Variants in ZNF808 observed in about 807,000 individuals in gnomAD.
ZNF808 encodes zinc finger protein 808.
ZNF808 carries 5 observed loss-of-function variants against 8.7 expected under a neutral mutation model. That is an observed-to-expected ratio of 0.58 (90% CI 0.30 to 1.21). The LOEUF is 1.21. ZNF808 is among the 50% of genes most tolerant of loss of function. The probability of loss-of-function intolerance (pLI) is 0.07; values close to 1 mark genes in which losing one functional copy is unlikely to be tolerated. For synonymous variants in ZNF808, 380 were observed against 366.0 expected, an observed-to-expected ratio of 1.04 and a Z score of -0.44; for missense variants, 1,103 against 1,098.4, an observed-to-expected ratio of 1.00 and a Z score of -0.06.
At chr19:52,533,428 G>T (rs193166019) in intron 2 of ZNF808, among the ~76,000 whole-genome samples, 16 of 152,060 alleles carry the variant, frequency 1.1e-4, no homozygotes, top group African/African-American at 3.6e-4. Context: ...GTTTCACCAT[G>T]TTGGCCAGGC....
At chr19:52,561,853 A>G (rs1046824671) in intron 3 of ZNF808, among the ~76,000 whole-genome samples, 2 of 152,122 alleles carry the variant, frequency 1.3e-5, no homozygotes, top group African/African-American at 4.8e-5. Context: ...GGCTGCCTCC[A>G]GGGTTTTAAA....
At chr19:52,539,988 A>G (rs2059654940) in intron 2 of ZNF808, among the ~76,000 whole-genome samples, 1 of 151,840 alleles carries the variant, frequency 6.6e-6, no homozygotes, top group African/African-American at 2.4e-5. Context: ...GGGGCCACAG[A>G]CACACCCCAC....
rs1374661802 is a variant in ZNF808, at chr19:52,554,769, C to T, written c.1853C>T (p.Thr618Ile). ...CTTGAGTCACATAAGAGAATTCATA[C>T]TGGAGAGAAACCATACAGATGTCAG... is the stretch of plus-strand genomic sequence containing the variant. ...SALESHKRIH[T>I]GEKPYRCQVC... Residue 618 changes from threonine to isoleucine, a missense_variant, in exon 5 of 5, where the codon ACT becomes ATT. Coordinates refer to ENST00000359798, the MANE Select transcript of ZNF808 (RefSeq NM_001039886.4). 6.2e-7 allele frequency: 1 copy of T among 1,613,686 alleles called. No individual in the cohort carries two copies. Among genetic ancestry groups the T allele is most frequent in the Non-Finnish European group, 8.5e-7 (1 of 1,179,936 alleles).
At chr19:52,529,456 T>A (rs938061262) in intron 1 of ZNF808, among the ~76,000 whole-genome samples, 1 of 152,180 alleles carries the variant, frequency 6.6e-6, no homozygotes. Flanking sequence ...TTGTGACATG[T>A]TGACTTCCCT....
chr19:52,568,540 G>A (rs1231859662), downstream of ZNF808, among the ~76,000 whole-genome samples: 1 of 152,144 alleles, frequency 6.6e-6, no homozygotes, highest in Admixed American at 6.6e-5. Flanking sequence ...TCCTTGAAGT[G>A]TATCACTCCA....
At chr19:52,568,090 G>C (rs2059877078), downstream of ZNF808, among the ~76,000 whole-genome samples, 1 of 152,176 alleles carries the variant, frequency 6.6e-6, no homozygotes, top group African/African-American at 2.4e-5. Context: ...AAGTTTTCCT[G>C]GCCAGGCATG....
downstream of ZNF808, among the ~76,000 whole-genome samples, chr19:52,559,608 C>T (rs571338237): frequency 9.2e-5 from 14 of 152,166 alleles, no homozygotes; most frequent in Non-Finnish European, 1.3e-4. Flanking sequence ...CAAATCTCTC[C>T]GTTCCACCTG....
intron 4 of ZNF808, among the ~76,000 whole-genome samples, chr19:52,550,236 T>G (rs561503675): frequency 5.3e-5 from 8 of 151,992 alleles, no homozygotes; most frequent in Middle Eastern, 3.4e-3. Context: ...TTGGTTTTTT[T>G]TTTTTGTTTT....
At chr19:52,540,611 A>G (rs2059661295) in intron 2 of ZNF808, among the ~76,000 whole-genome samples, 1 of 152,114 alleles carries the variant, frequency 6.6e-6, no homozygotes, top group Non-Finnish European at 1.5e-5. Flanking sequence ...TGTCATCTGA[A>G]AAAATGGTAA....
chr19:52,544,533 G>T (rs1275338310), intron 3 of ZNF808, among the ~76,000 whole-genome samples: 2 of 152,020 alleles, frequency 1.3e-5, no homozygotes, highest in African/African-American at 4.8e-5. Flanking sequence ...GTTTCATCAT[G>T]TTCGTTATGC....
chr19:52,560,114 T>TCACA (rs1283344519), downstream of ZNF808, among the ~76,000 whole-genome samples: 3 of 152,080 alleles, frequency 2.0e-5, no homozygotes, highest in Non-Finnish European at 4.4e-5. Flanking sequence ...GGTGGGTGAA[T>TCACA]CACAAGGTCA....
intron 4 of ZNF808, among the ~76,000 whole-genome samples, chr19:52,549,354 T>C (rs2059753301): frequency 6.6e-6 from 1 of 152,172 alleles, no homozygotes. Context: ...ACTGTACTCT[T>C]CATAGAGTTT....
Position 52,564,241 on chromosome 19 carries a change from C to T in ZNF808, c.*1346C>T, listed in dbSNP as rs528021995. 148 of 919,212 alleles carry T rather than the reference C, an allele frequency of 1.6e-4. No homozygotes were observed. In the African/African-American group the frequency reaches 2.2e-3, roughly 13 times the overall value. The allele number at this position is 919,212 out of a possible 1,614,324, so 56.9% of individuals were successfully genotyped here. The stretch of plus-strand genomic sequence containing the variant: ...CAAGCTGGGTCTATAAGGAATTGCA[C>T]GTGAGATGGCACACATATTTATGCT... On this transcript the variant is annotated 3_prime_UTR_variant and NMD_transcript_variant, in exon 4 of 4. Coordinates refer to the ZNF808 transcript ENST00000487863.
At chr19:52,564,945 G>A (rs1307924630), downstream of ZNF808, among the ~76,000 whole-genome samples, 5 of 152,136 alleles carry the variant, frequency 3.3e-5, no homozygotes, top group Non-Finnish European at 5.9e-5. Context: ...AATGAGCCAG[G>A]CGCTGTGGCA....
chr19:52,536,801 T>A (rs1278737801), intron 2 of ZNF808, among the ~76,000 whole-genome samples: 1 of 151,724 alleles, frequency 6.6e-6, no homozygotes, highest in Admixed American at 6.6e-5. Flanking sequence ...AAGAGAGAAT[T>A]TAACAGGGAG....
At chr19:52,534,840 G>A (rs2059590485) in intron 2 of ZNF808, among the ~76,000 whole-genome samples, 1 of 151,980 alleles carries the variant, frequency 6.6e-6, no homozygotes, top group Non-Finnish European at 1.5e-5. Context: ...AGTGAGCCAC[G>A]ATCTCGCAAC....
chr19:52,544,780 T>C (rs546717829), intron 3 of ZNF808, among the ~76,000 whole-genome samples: 68 of 152,250 alleles, frequency 4.5e-4, no homozygotes, highest in African/African-American at 1.5e-3. Flanking sequence ...ACAGCCAGCT[T>C]GGCTGGACTC....
chr19:52,562,666 G>C (rs747026817), intron 3 of ZNF808, among the ~76,000 whole-genome samples: 3 of 152,160 alleles, frequency 2.0e-5, no homozygotes, highest in Admixed American at 6.5e-5. Context: ...TTCATGCATA[G>C]TGAACTACAT....
At chr19:52,530,499 T>C (rs2059551869) in intron 1 of ZNF808, among the ~76,000 whole-genome samples, 1 of 151,636 alleles carries the variant, frequency 6.6e-6, no homozygotes, top group Admixed American at 6.6e-5. Context: ...CAATCTCTAC[T>C]AAAAAATACA....
Sources: allele counts gnomAD v4.1 joint callset (sites outside exome capture counted in the v4.1 genomes callset), GRCh38; gene constraint gnomAD v4.1.1; transcripts MANE v1.5; gene names NCBI Gene and HGNC (gene_info 2026-07-23, HGNC 2026-07-21).